Variants in MINK1 observed in about 807,000 individuals in gnomAD.
The protein encoded by MINK1 is misshapen-like kinase 1.
Under a neutral mutation model 178.4 loss-of-function variants are expected in MINK1, and 46 were observed. The observed-to-expected ratio is 0.26, with a 90% CI of 0.20 to 0.33. The LOEUF (loss-of-function observed/expected upper bound fraction) is 0.33. MINK1 is among the 10% of genes least tolerant of loss of function. The probability of loss-of-function intolerance (pLI) is 1.00; values close to 1 mark genes in which losing one functional copy is unlikely to be tolerated. For missense variants in MINK1, 1,366 were observed against 1,814.9 expected, an observed-to-expected ratio of 0.75 and a Z score of 4.49; for synonymous variants, 797 against 709.7, an observed-to-expected ratio of 1.12 and a Z score of -1.96.
intron 1 of MINK1, among the ~76,000 whole-genome samples, chr17:4,837,379 A>G (rs1909473052): frequency 6.6e-6 from 1 of 152,222 alleles, no homozygotes; most frequent in Non-Finnish European, 1.5e-5. Context: ...AAAGTATTCA[A>G]TAAACCCCAG....
chr17:4,865,798 G>A (rs1231825956), intron 1 of MINK1, among the ~76,000 whole-genome samples: 1 of 151,894 alleles, frequency 6.6e-6, no homozygotes, highest in Non-Finnish European at 1.5e-5. Context: ...GGTAGGCTAG[G>A]GCAGGAGGAT....
At chr17:4,866,452 T>G (rs1167676000) in intron 1 of MINK1, among the ~76,000 whole-genome samples, 1 of 147,280 alleles carries the variant, frequency 6.8e-6, no homozygotes, top group Non-Finnish European at 1.5e-5. Context: ...GGTGACAGAG[T>G]GAGACTCCGT....
In MINK1 at chr17:4,836,982, C is replaced by T. The variant is rs1909398503; in HGVS notation, c.57+3342C>T. ...CACCTGAGAGGTCAGAAGTTCGAGA[C>T]CAGCCTGGCCAACATGGTAAAACCC... On this transcript the variant is annotated intron_variant, in intron 1 of 31. Coordinates refer to ENST00000355280, the MANE Select transcript of MINK1 (RefSeq NM_153827.5). This position sits in a 1 kb window ranked among gnomAD's most constrained non-coding sequence, Gnocchi z 4.3. Among the ~76,000 whole-genome samples, 1 of 151,934 alleles carries T rather than the reference C, an allele frequency of 6.6e-6. No homozygotes were observed. Among genetic ancestry groups the T allele is most frequent in the Non-Finnish European group, 1.5e-5 (1 of 68,014 alleles).
At position 4,861,647 on chromosome 17, in the gene MINK1, C is replaced by T. The variant is rs563909512; in HGVS notation, c.58-16670C>T. On this transcript the variant is annotated intron_variant, in intron 1 of 31. Transcript: ENST00000355280. ...TCCCTAGTAGCTGAGATTACAGGCACGTGCCACCACACCCAGATACTTTCT... is the reference window on the plus strand; with the variant it reads ...TCCCTAGTAGCTGAGATTACAGGCATGTGCCACCACACCCAGATACTTTCT... 328 of 289,796 alleles carry T rather than the reference C, an allele frequency of 1.1e-3. 1 individual carries two copies. The highest frequency in any genetic ancestry group is 3.5e-3 in the Middle Eastern group (3 of 850). 18.0% of individuals were successfully genotyped at this position (289,796 alleles called of 1,614,324 possible).
rs1968142080 is a variant in MINK1 at position 4,885,734 on chromosome 17, G to A, written c.639+121G>A. The A allele has an allele frequency of 1.4e-6, 2 of 1,458,696 alleles. No homozygotes were observed. The highest frequency in any genetic ancestry group is 2.8e-5 in the African/African-American group (2 of 71,918). The allele number at this position is 1,458,696 out of a possible 1,614,324, so 90.4% of individuals were successfully genotyped here. ...CAGATGATGTTAGCAGTGAGGGGCT[G>A]GGGAACATCTTACGGCAAGGCAAGT... On this transcript the variant is annotated intron_variant, in intron 7 of 31. Coordinates refer to ENST00000355280, the MANE Select transcript of MINK1 (RefSeq NM_153827.5). The surrounding 1 kb of genome is among the most constrained non-coding windows in gnomAD (Gnocchi z 5.0).
chr17:4,890,883 G>A, intron 14 of MINK1, 68 bp from the exon 15 acceptor site: 1 of 1,545,336 alleles, frequency 6.5e-7, no homozygotes, highest in Non-Finnish European at 8.8e-7. Flanking sequence ...AGTTAGGGCA[G>A]GTGGGACCCT....
intron 1 of MINK1, among the ~76,000 whole-genome samples, chr17:4,856,412 T>C (rs967628840): frequency 6.6e-6 from 1 of 151,884 alleles, no homozygotes; most frequent in African/African-American, 2.4e-5. Flanking sequence ...ACTCCCGTTT[T>C]CTCTCTCTTA....
rs529230780 is a variant in MINK1, at chr17:4,896,623, C to T, written c.3775+35C>T. The T allele has an allele frequency of 1.8e-4, 286 of 1,612,018 alleles. 4 individuals carry two copies. The South Asian group carries it at 2.6e-3, about 15-fold the overall frequency. ...CTGCCGCCCTCCCAGCCACATGCCC[C>T]GAGGTGGCCCCGGGGTGCAGCCTGC... On this transcript the variant is annotated intron_variant, in intron 30 of 31. Coordinates refer to ENST00000355280, the MANE Select transcript of MINK1 (RefSeq NM_153827.5). This position sits in a 1 kb window ranked among gnomAD's most constrained non-coding sequence, Gnocchi z 4.6.
chr17:4,893,147 G>T, intron 20 of MINK1, 80 bp downstream of exon 20: 1 of 1,500,556 alleles, frequency 6.7e-7, no homozygotes, highest in Non-Finnish European at 9.1e-7. Context: ...TCAGGGGTGG[G>T]GTCTCCGCTG....
At position 4,885,080 on chromosome 17, in the gene MINK1, G is replaced by T; in HGVS notation, c.508+78G>T. Reference sequence around the variant, plus strand: ...AATGAGGGGCCCCTTTTTCTCTCTGGTGGCTCAGGCCCAACTCCCTTCCTA... The same window carrying T: ...AATGAGGGGCCCCTTTTTCTCTCTGTTGGCTCAGGCCCAACTCCCTTCCTA... On this transcript the variant is annotated intron_variant, in intron 6 of 31. Transcript: ENST00000355280. The surrounding 1 kb of genome is among the most constrained non-coding windows in gnomAD (Gnocchi z 5.0). The T allele has an allele frequency of 7.2e-7, 1 of 1,383,572 alleles. No homozygotes were observed. Among genetic ancestry groups the T allele is most frequent in the Non-Finnish European group, 1.0e-6 (1 of 987,950 alleles). 85.7% of individuals were successfully genotyped at this position (1,383,572 alleles called of 1,614,324 possible).
chr17:4,893,392 G>A, intron 20 of MINK1, 42 bp from the exon 21 acceptor site: 1 of 1,602,120 alleles, frequency 6.2e-7, no homozygotes, highest in African/African-American at 1.3e-5. Flanking sequence ...CCTCCACCCA[G>A]GCCCAGCTTC....
At position 4,893,053 on chromosome 17, in the gene MINK1, C is replaced by A. The variant is rs1477726171; in HGVS notation, c.2386C>A (p.Pro796Thr). ...KAKPDDHRSR[P>T]GRPADFVLLK... ...CAAGCCCGACGACCACCGCTCACGG[C>A]CAGGCCGGCCCGCAGTGAGTCACCT... Residue 796 changes from proline to threonine, a missense_variant, in exon 20 of 32, where the codon CCA becomes ACA. Physicochemically the swap from Pro to Thr is conservative, Grantham distance 38. Around this residue, in one of 14 missense-constraint regions of MINK1, gnomAD observed 709 missense variants for 692.3 expected, o/e 1.02. Transcript: ENST00000355280. The A allele has an allele frequency of 1.3e-6, 2 of 1,565,300 alleles. No homozygotes were observed. The highest frequency in any genetic ancestry group is 8.6e-7 in the Non-Finnish European group (1 of 1,157,122).
intron 19 of MINK1, 47 bp downstream of exon 19, chr17:4,892,815 T>C: frequency 6.5e-7 from 1 of 1,527,472 alleles, no homozygotes; most frequent in African/African-American, 1.4e-5. Context: ...TGGGGGCTTA[T>C]CACCATGGAC....
chr17:4,877,697 G>A (rs1006245945), intron 1 of MINK1, among the ~76,000 whole-genome samples: 2 of 150,618 alleles, frequency 1.3e-5, no homozygotes, highest in Non-Finnish European at 1.5e-5. Context: ...GAAGGTACTC[G>A]GGCACCCTCA....
chr17:4,891,658 C>G lies in MINK1; in HGVS notation c.1943C>G (p.Pro648Arg). 1 of 1,600,618 alleles carries G rather than the reference C, an allele frequency of 6.2e-7. No homozygotes were observed. The highest frequency in any genetic ancestry group is 8.5e-7 in the Non-Finnish European group (1 of 1,174,384). ...AATTCAGACCCCACCTCTGAAGGAC[C>G]TGGCCCCAGCCCGAATCCCCCAGCC... ...RQNSDPTSEGPGPSPNPPAWV... is the reference protein window; with the variant it reads ...RQNSDPTSEGRGPSPNPPAWV... The change falls in exon 16 of 32, where the codon CCT becomes CGT. Residue 648 changes from proline (P) to arginine (R), a missense_variant. Around this residue, in one of 14 missense-constraint regions of MINK1, gnomAD observed 709 missense variants for 692.3 expected, o/e 1.02. Coordinates refer to ENST00000355280, the MANE Select transcript of MINK1 (RefSeq NM_153827.5).
At chr17:4,890,225 T>C in intron 13 of MINK1, 1 of 406,104 alleles carries the variant, frequency 2.5e-6, no homozygotes. Flanking sequence ...CCCCCAGGAA[T>C]ATATTCGTCA....
intron 1 of MINK1, among the ~76,000 whole-genome samples, chr17:4,863,548 G>A (rs1914501296): frequency 6.6e-6 from 1 of 152,138 alleles, no homozygotes; most frequent in Non-Finnish European, 1.5e-5. Flanking sequence ...TTAGGCAACA[G>A]GAGCTATGAG....
In MINK1 at chr17:4,886,117, C is replaced by T. The variant is rs146544144; in HGVS notation, c.695-3C>T. ...GGACTGAGGGTGTCTCCTCTGTGTC[C>T]AGCTCTGTGTGACATGCACCCCATG... On this transcript the variant is annotated splice_polypyrimidine_tract_variant and splice_region_variant and intron_variant, in intron 8 of 31. Coordinates refer to ENST00000355280, the MANE Select transcript of MINK1 (RefSeq NM_153827.5). This position sits in a 1 kb window ranked among gnomAD's most constrained non-coding sequence, Gnocchi z 6.1. 4 of 1,613,898 alleles carry T rather than the reference C, an allele frequency of 2.5e-6. No individual in the cohort carries two copies. The highest frequency in any genetic ancestry group is 2.2e-5 in the East Asian group (1 of 44,866).
chr17:4,847,582 A>G (rs1262961016), intron 1 of MINK1, among the ~76,000 whole-genome samples: 2 of 152,236 alleles, frequency 1.3e-5, no homozygotes, highest in African/African-American at 4.8e-5. Flanking sequence ...GCCCCCTGTC[A>G]TAGAGGTCAA....
Sources: allele counts gnomAD v4.1 joint callset (sites outside exome capture counted in the v4.1 genomes callset), GRCh38; gene constraint gnomAD v4.1.1; regional missense constraint gnomAD v4.1.1; non-coding constraint Gnocchi (gnomAD v3.1); transcripts MANE v1.5; gene names NCBI Gene and HGNC (gene_info 2026-07-23, HGNC 2026-07-21).